ARMC8: variants seen among roughly 807,000 people sequenced by gnomAD.
ARMC8 encodes armadillo repeat containing 8.
In ARMC8, 20 loss-of-function variants were observed where a neutral mutation model predicts 99.3. That is an observed-to-expected ratio of 0.20 (90% CI 0.14 to 0.29). The LOEUF is 0.29. Ranked by LOEUF, ARMC8 falls within the 10% of genes least tolerant of loss-of-function variation. The pLI, the probability that ARMC8 is intolerant of heterozygous loss-of-function variation, is 1.00. For synonymous variants in ARMC8, 263 were observed against 278.3 expected, an observed-to-expected ratio of 0.95 and a Z score of 0.55; for missense variants, 569 against 809.5, an observed-to-expected ratio of 0.70 and a Z score of 3.60.
At chr3:138,207,253 G>C (rs751326427) in intron 1 of ARMC8, among the ~76,000 whole-genome samples, 3 of 152,144 alleles carry the variant, frequency 2.0e-5, no homozygotes, top group Non-Finnish European at 4.4e-5. Context: ...CCTCAGTGCC[G>C]CCTTTATGTT....
chr3:138,272,314 C>A (rs1344325012), intron 16 of ARMC8, among the ~76,000 whole-genome samples: 1 of 152,114 alleles, frequency 6.6e-6, no homozygotes, highest in Non-Finnish European at 1.5e-5. Context: ...ACAGTATAAG[C>A]ATTAATAGTC....
At chr3:138,281,328 CTG>C (rs1433353818) in intron 18 of ARMC8, among the ~76,000 whole-genome samples, 1 of 150,606 alleles carries the variant, frequency 6.6e-6, no homozygotes, top group African/African-American at 2.4e-5. Context: ...GAGTCTCACT[CTG>C]TTGCCAGGCT....
Position 138,242,003 on chromosome 3 carries a change from T to C in ARMC8, c.1038+20T>C. On this transcript the variant is annotated intron_variant, in intron 11 of 21. Coordinates refer to ENST00000469044, the MANE Select transcript of ARMC8 (RefSeq NM_001363941.2). ...AAAAGGGTATGTTATTTTCCTTTTT[T>C]AGCAGCTCAAGGGAGATTTTTCTAA... The C allele has an allele frequency of 6.2e-7, 1 of 1,605,688 alleles. No individual in the cohort carries two copies. The highest frequency in any genetic ancestry group is 1.1e-5 in the South Asian group (1 of 90,850).
chr3:138,187,450 T>C lies in ARMC8; in HGVS notation c.-105T>C. ...CCAGAGCGTGGCCAGTTCTCGTCTA[T>C]CTGGCTGCCTTTAGGGAGCGGTGCC... is the stretch of plus-strand genomic sequence containing the variant. On this transcript the variant is annotated 5_prime_UTR_variant, in exon 1 of 22. Coordinates refer to ENST00000469044, the MANE Select transcript of ARMC8 (RefSeq NM_001363941.2). 1 of 1,225,814 alleles carries C rather than the reference T, an allele frequency of 8.2e-7. No homozygotes were observed. Among genetic ancestry groups the C allele is most frequent in the East Asian group, 2.5e-5 (1 of 39,246 alleles). 75.9% of individuals were successfully genotyped at this position (1,225,814 alleles called of 1,614,324 possible). A position where few individuals can be genotyped will look rare whatever the true frequency, so the allele number is the denominator to read the frequency against.
intron 12 of ARMC8, among the ~76,000 whole-genome samples, chr3:138,263,097 C>G (rs990098737): frequency 8.5e-5 from 13 of 152,302 alleles, no homozygotes; most frequent in African/African-American, 3.1e-4. Context: ...TTTCAATAGG[C>G]CCACACAAGT....
At chr3:138,235,930 C>G (rs1006035299) in intron 7 of ARMC8, among the ~76,000 whole-genome samples, 1 of 151,728 alleles carries the variant, frequency 6.6e-6, no homozygotes, top group South Asian at 2.1e-4. Flanking sequence ...CTCAGCCTCC[C>G]GAGTAGCTGG....
At chr3:138,280,470 AC>A (rs1339038212) in intron 18 of ARMC8, among the ~76,000 whole-genome samples, 4 of 149,208 alleles carry the variant, frequency 2.7e-5, no homozygotes, top group Non-Finnish European at 5.9e-5. Flanking sequence ...GGTGCCCACC[AC>A]CATGCCTGGT....
intron 6 of ARMC8, 145 bp downstream of exon 6, chr3:138,229,155 T>TAAA (rs1445628664): frequency 1.6e-5 from 1 of 62,188 alleles, no homozygotes; most frequent in African/African-American, 7.5e-5. Context: ...TATATATATA[T>TAAA]ATATATATAT....
chr3:138,206,260 A>G (rs949823356), intron 1 of ARMC8, among the ~76,000 whole-genome samples: 2 of 152,230 alleles, frequency 1.3e-5, no homozygotes, highest in Non-Finnish European at 2.9e-5. Context: ...TGAATCCAGT[A>G]TTGGTTTTTT....
In ARMC8 at chr3:138,216,468, T is replaced by A. The variant is rs887940702; in HGVS notation, c.123-5458T>A. 4.6e-5 allele frequency among the ~76,000 whole-genome samples: 7 copies of A among 152,292 alleles called. No homozygotes were observed. In the East Asian group the frequency reaches 1.2e-3, roughly 25 times the overall value. On this transcript the variant is annotated intron_variant, in intron 2 of 21. Transcript: ENST00000469044. ...CAGTGGAATTCATTGTCATATAACT[T>A]TAGTTGGAATATGAATATACCTCAT...
intron 1 of ARMC8, among the ~76,000 whole-genome samples, chr3:138,205,883 T>C (rs2044346757): frequency 6.6e-6 from 1 of 152,184 alleles, no homozygotes; most frequent in Non-Finnish European, 1.5e-5. Flanking sequence ...ATAAAAATCC[T>C]AACAATGACC....
intron 12 of ARMC8, among the ~76,000 whole-genome samples, chr3:138,247,602 G>A (rs901768143): frequency 4.6e-5 from 7 of 152,188 alleles, no homozygotes; most frequent in African/African-American, 1.4e-4. Context: ...TTAAGGAAAG[G>A]AGGCAGAATG....
chr3:138,232,462 A>G (rs1040178463), intron 6 of ARMC8, among the ~76,000 whole-genome samples: 2 of 152,200 alleles, frequency 1.3e-5, no homozygotes, highest in East Asian at 1.9e-4. Flanking sequence ...TTCCCCATCC[A>G]TTGTAAATAT....
In ARMC8 at chr3:138,290,602, A is replaced by G. The variant is rs1209317884; in HGVS notation, c.1951A>G (p.Lys651Glu). 2 of 1,607,234 alleles carry G rather than the reference A, an allele frequency of 1.2e-6. No homozygotes were observed. The highest frequency in any genetic ancestry group is 1.7e-5 in the Admixed American group (1 of 59,032). ...CATGGGCATCGTAGATATTCTACACAAACTGAGTCAGTCACCAGATTCAAA... is the reference window on the plus strand; with the variant it reads ...CATGGGCATCGTAGATATTCTACACGAACTGAGTCAGTCACCAGATTCAAA... ...RDMGIVDILH[K>E]LSQSPDSNLC... Residue 651 changes from lysine (K) to glutamate (E), a missense_variant, in exon 21 of 22, where the codon AAA (lysine) becomes GAA (glutamate). This residue lies in a region of ARMC8 where 227 missense variants were observed against 417.9 expected (regional missense o/e 0.54). Coordinates refer to ENST00000469044, the MANE Select transcript of ARMC8 (RefSeq NM_001363941.2).
chr3:138,250,257 G>A (rs538702244), intron 12 of ARMC8, among the ~76,000 whole-genome samples: 13 of 152,078 alleles, frequency 8.5e-5, no homozygotes, highest in Non-Finnish European at 1.3e-4. Context: ...TTAGCACAGT[G>A]TCTGCCACAT....
chr3:138,189,720 T>A (rs544659923), intron 1 of ARMC8, among the ~76,000 whole-genome samples: 1 of 152,344 alleles, frequency 6.6e-6, no homozygotes, highest in South Asian at 2.1e-4. Flanking sequence ...TACCTTCTCC[T>A]TGGGAAATCT....
At chr3:138,195,969 A>C (rs2043710064) in intron 1 of ARMC8, among the ~76,000 whole-genome samples, 1 of 152,164 alleles carries the variant, frequency 6.6e-6, no homozygotes, top group South Asian at 2.1e-4. Flanking sequence ...GGAATGATGA[A>C]ACAGTGTAAG....
chr3:138,246,883 A>T, intron 12 of ARMC8: 2 of 903,382 alleles, frequency 2.2e-6, no homozygotes, highest in Non-Finnish European at 2.6e-6. Context: ...TATAATTATT[A>T]ATTATAGTTT....
chr3:138,218,346 T>C (rs1380419856), intron 2 of ARMC8, among the ~76,000 whole-genome samples: 2 of 152,214 alleles, frequency 1.3e-5, no homozygotes, highest in South Asian at 2.1e-4. Context: ...ATCAAAAATA[T>C]GATTGCTCCT....
Sources: allele counts gnomAD v4.1 joint callset (sites outside exome capture counted in the v4.1 genomes callset), GRCh38; gene constraint gnomAD v4.1.1; regional missense constraint gnomAD v4.1.1; transcripts MANE v1.5; gene names NCBI Gene and HGNC (gene_info 2026-07-23, HGNC 2026-07-21).